Variants in MYO16 observed in about 807,000 individuals in gnomAD.
MYO16 encodes the protein unconventional myosin-XVI.
Under a neutral mutation model 205.3 loss-of-function variants are expected in MYO16, and 94 were observed. That is an observed-to-expected ratio of 0.46 (90% CI 0.39 to 0.54). The LOEUF is 0.54. Among genes scored for constraint, MYO16 ranks in the 20% least tolerant of loss-of-function variants. The pLI is 0.00. For synonymous variants in MYO16, 988 were observed against 954.0 expected, an observed-to-expected ratio of 1.04 and a Z score of -0.66; for missense variants, 2,315 against 2,387.5, an observed-to-expected ratio of 0.97 and a Z score of 0.63.
At chr13:108,613,223 G>T (rs540242551) in intron 1 of MYO16, among the ~76,000 whole-genome samples, 34 of 152,296 alleles carry the variant, frequency 2.2e-4, no homozygotes, top group Non-Finnish European at 4.4e-4. Flanking sequence ...GGGCTCATTT[G>T]TGTGTCTGGG....
intron 7 of MYO16, among the ~76,000 whole-genome samples, chr13:108,809,778 G>T (rs1032604445): frequency 1.1e-4 from 17 of 152,326 alleles, no homozygotes; most frequent in African/African-American, 3.4e-4. Context: ...CAGCTTTGTT[G>T]TGAGGCCTCC....
chr13:109,061,162 G>C lies in MYO16; in HGVS notation c.3335+5567G>C, dbSNP rs138079808. Among the ~76,000 whole-genome samples the C allele has an allele frequency of 7.9e-3, 1,196 of 152,214 alleles. 15 individuals carry two copies. Among genetic ancestry groups the C allele is most frequent in the African/African-American group, 0.027 (1,118 of 41,520 alleles). On this transcript the variant is annotated intron_variant, in intron 27 of 34. Coordinates refer to ENST00000457511, the MANE Select transcript of MYO16 (RefSeq NM_001198950.3). ...GAGTTAGGGCCTTTCTCTGGATTAG[G>C]CTTTGGCTTAAGGGAATATTGTGGC...
At chr13:108,960,086 A>G (rs1299626602) in intron 17 of MYO16, among the ~76,000 whole-genome samples, 3 of 152,168 alleles carry the variant, frequency 2.0e-5, no homozygotes, top group African/African-American at 7.2e-5. Context: ...CAACCTGAAC[A>G]GCATAGTGAG....
intron 16 of MYO16, among the ~76,000 whole-genome samples, chr13:108,953,506 C>A (rs949209188): frequency 1.3e-5 from 2 of 151,700 alleles, no homozygotes; most frequent in African/African-American, 4.8e-5. Flanking sequence ...AATTTTTAAA[C>A]CTATTTTTAA....
intron 6 of MYO16, among the ~76,000 whole-genome samples, chr13:108,804,341 G>T (rs747024187): frequency 7.2e-5 from 11 of 152,164 alleles, no homozygotes; most frequent in Non-Finnish European, 1.6e-4. Flanking sequence ...CAGCAGAAAT[G>T]ATAACCACCT....
At chr13:109,086,440 A>G (rs1314199000) in intron 27 of MYO16, among the ~76,000 whole-genome samples, 1 of 152,236 alleles carries the variant, frequency 6.6e-6, no homozygotes, top group East Asian at 1.9e-4. Context: ...GGCATGTGAT[A>G]TATTAGTGGA....
At chr13:108,910,932 G>A (rs756070431) in intron 16 of MYO16, among the ~76,000 whole-genome samples, 2 of 151,944 alleles carry the variant, frequency 1.3e-5, no homozygotes, top group African/African-American at 4.8e-5. Context: ...GCTGATACCT[G>A]ATTTATGGCT....
intron 9 of MYO16, among the ~76,000 whole-genome samples, chr13:108,844,124 G>A (rs188512628): frequency 1.3e-5 from 2 of 152,130 alleles, no homozygotes; most frequent in East Asian, 3.9e-4. Flanking sequence ...GTTCAAATAA[G>A]TATATACTTT....
chr13:109,028,251 TA>T (rs1166670027), intron 23 of MYO16, among the ~76,000 whole-genome samples: 3 of 140,728 alleles, frequency 2.1e-5, no homozygotes, highest in Admixed American at 7.3e-5. Context: ...ACATATAATA[TA>T]AAAAATATAT....
At chr13:108,999,106 G>T (rs541615375) in intron 21 of MYO16, among the ~76,000 whole-genome samples, 3 of 152,188 alleles carry the variant, frequency 2.0e-5, no homozygotes, top group African/African-American at 7.2e-5. Context: ...TGTTTAAATG[G>T]GTAATGGTTG....
At position 109,048,644 on chromosome 13, in the gene MYO16, T is replaced by C. The variant is rs529416757; in HGVS notation, c.2872+1653T>C. ...ATCATAAAAGCAAAATATTTGTGGT[T>C]GCCATCATGTTTTATGAATCTGTGA... On this transcript the variant is annotated intron_variant, in intron 24 of 34. Transcript: ENST00000457511. 6 of 294,446 alleles carry C rather than the reference T, an allele frequency of 2.0e-5. No individual in the cohort carries two copies. In the East Asian group the frequency reaches 3.3e-4, roughly 16 times the overall value. 18.2% of individuals were successfully genotyped at this position (294,446 alleles called of 1,614,324 possible).
At chr13:109,079,415 C>T (rs1363694524) in intron 27 of MYO16, among the ~76,000 whole-genome samples, 1 of 151,738 alleles carries the variant, frequency 6.6e-6, no homozygotes, top group African/African-American at 2.4e-5. Flanking sequence ...TTAAATTGCT[C>T]CTGGAACACT....
At position 109,140,977 on chromosome 13, in the gene MYO16, G is replaced by C. The variant is rs1477693925; in HGVS notation, c.4765G>C (p.Ala1589Pro). The part of the protein sequence containing the change: ...GLALFNGSGR[A>P]SPPSTPPPPP... ...GGCGCTGTTCAACGGGTCCGGCCGA[G>C]CCTCCCCGCCGTCCACGCCGCCCCC... is the stretch of plus-strand genomic sequence containing the variant. Residue 1589 changes from alanine (A) to proline (P), a missense_variant, in exon 32 of 35, where the codon GCC becomes CCC. Ala to Pro is a conservative substitution (Grantham distance 27). Around this residue, in one of 3 missense-constraint regions of MYO16, gnomAD observed 1,097 missense variants for 1,092.0 expected, o/e 1.00. Transcript: ENST00000457511. The surrounding 1 kb of genome is among the most constrained non-coding windows in gnomAD (Gnocchi z 8.0). The C allele has an allele frequency of 7.0e-7, 1 of 1,421,306 alleles. No homozygotes were observed. Among genetic ancestry groups the C allele is most frequent in the African/African-American group, 1.5e-5 (1 of 67,314 alleles). The allele number at this position is 1,421,306 out of a possible 1,614,324, so 88.0% of individuals were successfully genotyped here. A position where few individuals can be genotyped will look rare whatever the true frequency, so the allele number is the denominator to read the frequency against.
intron 29 of MYO16, among the ~76,000 whole-genome samples, chr13:109,122,113 C>T (rs1876018514): frequency 6.6e-6 from 1 of 152,208 alleles, no homozygotes; most frequent in Non-Finnish European, 1.5e-5. Flanking sequence ...CCTCAGGCCC[C>T]ACCCAGGACC....
chr13:109,032,581 C>T (rs933304380), intron 23 of MYO16, among the ~76,000 whole-genome samples: 2 of 152,148 alleles, frequency 1.3e-5, no homozygotes, highest in African/African-American at 4.8e-5. Flanking sequence ...ATAAAGCAAT[C>T]GCTATTGTGT....
chr13:108,603,455 T>A (rs1036724365), intron 1 of MYO16, among the ~76,000 whole-genome samples: 3 of 152,160 alleles, frequency 2.0e-5, no homozygotes, highest in Non-Finnish European at 4.4e-5. Context: ...ACAACTTTGG[T>A]TTTTTATGAT....
upstream of MYO16, among the ~76,000 whole-genome samples, chr13:108,595,115 G>A (rs1878509439): frequency 1.3e-5 from 2 of 152,274 alleles, no homozygotes; most frequent in African/African-American, 4.8e-5. Context: ...AAGTGAAAAT[G>A]TCAAAATCTT....
chr13:108,549,352 G>T, the MYO16 span, among the ~76,000 whole-genome samples: 2 of 152,050 alleles, frequency 1.3e-5, no homozygotes, highest in East Asian at 3.9e-4. Context: ...GCTGGAAAAG[G>T]CTGGAGAACA....
chr13:109,202,763 G>A (rs1006350892), intron 34 of MYO16, among the ~76,000 whole-genome samples: 10 of 152,086 alleles, frequency 6.6e-5, no homozygotes, highest in African/African-American at 2.2e-4. Flanking sequence ...TAAGCAGCAA[G>A]AAAAAATCTG....
Sources: gnomAD v4.1 joint callset for allele counts (sites outside exome capture counted in the v4.1 genomes callset) on GRCh38, gnomAD v4.1.1 for gene constraint, gnomAD v4.1.1 regional missense constraint, Gnocchi (gnomAD v3.1) non-coding constraint, MANE v1.5 for transcripts, NCBI Gene and HGNC (gene_info 2026-07-23, HGNC 2026-07-21) for gene names.